Variants in LHFPL7 observed in about 807,000 individuals in gnomAD.
The protein encoded by LHFPL7 is LHFPL tetraspan subfamily member 7.
the LHFPL7 span, among the ~76,000 whole-genome samples, chr22:24,940,108 T>C: frequency 0.23 from 34,410 of 148,652 alleles, 4,477 homozygotes; most frequent in East Asian, 0.61. Context: ...TTTGTATTTT[T>C]AGTAGAGACG....
chr22:24,935,360 G>T, the LHFPL7 span: 4 of 1,613,606 alleles, frequency 2.5e-6, no homozygotes, highest in South Asian at 1.1e-5. Flanking sequence ...GCACAAAGAT[G>T]ATTCTCTCGG....
the LHFPL7 span, among the ~76,000 whole-genome samples, chr22:24,946,265 A>G: frequency 1.3e-5 from 2 of 151,892 alleles, no homozygotes; most frequent in Admixed American, 1.3e-4. Context: ...AGCCGAGATC[A>G]CACCACTGCA....
At chr22:24,943,258 C>T in the LHFPL7 span, among the ~76,000 whole-genome samples, 2 of 152,172 alleles carry the variant, frequency 1.3e-5, no homozygotes, top group African/African-American at 4.8e-5. Flanking sequence ...CCAGGCGTTT[C>T]TCACCTTGAA....
At chr22:24,943,903 T>C in the LHFPL7 span, among the ~76,000 whole-genome samples, 3 of 152,174 alleles carry the variant, frequency 2.0e-5, no homozygotes, top group African/African-American at 7.2e-5. Context: ...GCCAAGTCTC[T>C]TTCTTCTTCT....
the LHFPL7 span, among the ~76,000 whole-genome samples, chr22:24,937,664 A>C: frequency 6.6e-6 from 1 of 152,242 alleles, no homozygotes; most frequent in Non-Finnish European, 1.5e-5. Context: ...TAATTGAATG[A>C]GGATTGCAAT....
chr22:24,939,260 C>T, the LHFPL7 span: 1 of 697,368 alleles, frequency 1.4e-6, no homozygotes, highest in South Asian at 1.5e-5. Context: ...TCGAATTCCG[C>T]TCAGCCAGCT....
chr22:24,940,167 C>A, the LHFPL7 span, among the ~76,000 whole-genome samples: 2 of 149,560 alleles, frequency 1.3e-5, no homozygotes, highest in African/African-American at 4.9e-5. Context: ...ACCTTGTGAT[C>A]CGCCTGCCTC....
chr22:24,935,129 A>G, the LHFPL7 span: 138 of 624,002 alleles, frequency 2.2e-4, no homozygotes, highest in Non-Finnish European at 3.2e-4. Context: ...TACACAGAGC[A>G]TCTCCAGTGA....
At chr22:24,942,423 G>T in the LHFPL7 span, among the ~76,000 whole-genome samples, 2 of 152,240 alleles carry the variant, frequency 1.3e-5, no homozygotes, top group Non-Finnish European at 2.9e-5. Flanking sequence ...GCCATTGATG[G>T]CCAGAAAGGA....
At chr22:24,941,188 A>G in the LHFPL7 span, among the ~76,000 whole-genome samples, 3 of 151,210 alleles carry the variant, frequency 2.0e-5, no homozygotes, top group Non-Finnish European at 4.4e-5. Context: ...TTTTTTTGAA[A>G]CAGAGTCTTG....
the LHFPL7 span, among the ~76,000 whole-genome samples, chr22:24,937,609 G>A: frequency 1.3e-5 from 2 of 152,232 alleles, no homozygotes; most frequent in Admixed American, 1.3e-4. Context: ...AGTGAGACCT[G>A]TGAGGTGCTT....
At chr22:24,940,413 G>A in the LHFPL7 span, among the ~76,000 whole-genome samples, 1 of 149,734 alleles carries the variant, frequency 6.7e-6, no homozygotes, top group Admixed American at 6.6e-5. Context: ...CTAACACGGT[G>A]AAACTCCGTC....
chr22:24,935,252 C>G, the LHFPL7 span: 1 of 1,523,854 alleles, frequency 6.6e-7, no homozygotes, highest in East Asian at 2.3e-5. Context: ...CAAGAAGGAG[C>G]AGAGATGGGA....
the LHFPL7 span, chr22:24,935,309 C>G: frequency 6.2e-7 from 1 of 1,601,870 alleles, no homozygotes; most frequent in African/African-American, 1.3e-5. Context: ...GGAGTGTGCC[C>G]TTTGTGCTAC....
chr22:24,939,513 G>A, the LHFPL7 span: 2,847 of 703,042 alleles, frequency 4.0e-3, 64 homozygotes, highest in African/African-American at 0.043. Context: ...GAGCCCCAGA[G>A]CTACCCACAC....
At chr22:24,939,093 CA>C in the LHFPL7 span, among the ~76,000 whole-genome samples, 104 of 152,320 alleles carry the variant, frequency 6.8e-4, no homozygotes, top group African/African-American at 2.4e-3. Context: ...CCTACAGAGA[CA>C]GGGGCTCCGG....
the LHFPL7 span, among the ~76,000 whole-genome samples, chr22:24,943,374 C>T: frequency 2.0e-5 from 3 of 152,278 alleles, no homozygotes; most frequent in African/African-American, 4.8e-5. Flanking sequence ...AAACCACATC[C>T]GGCCAGGCTG....
chr22:24,935,731 C>T, the LHFPL7 span: 1 of 1,185,444 alleles, frequency 8.4e-7, no homozygotes, highest in Non-Finnish European at 1.2e-6. Flanking sequence ...TATTTATTGG[C>T]TCATCTCTCC....
the LHFPL7 span, among the ~76,000 whole-genome samples, chr22:24,939,173 ACTT>A: frequency 6.6e-6 from 1 of 152,274 alleles, no homozygotes; most frequent in African/African-American, 2.4e-5. Context: ...AGGTTGAAGA[ACTT>A]CTATGCTCAG....
Sources: gnomAD v4.1 joint callset for allele counts (sites outside exome capture counted in the v4.1 genomes callset) on GRCh38, gnomAD v4.1.1 for gene constraint, MANE v1.5 for transcripts, NCBI Gene and HGNC (gene_info 2026-07-23, HGNC 2026-07-21) for gene names.